Variants in AOPEP observed in about 807,000 individuals in gnomAD.
The protein encoded by AOPEP is aminopeptidase O.
In AOPEP, 77 loss-of-function variants were observed where a neutral mutation model predicts 98.1. The observed-to-expected ratio is 0.78, with a 90% CI of 0.65 to 0.95. The LOEUF (loss-of-function observed/expected upper bound fraction) is 0.95, where lower values mean the gene tolerates loss of function less well. Ranked by LOEUF, AOPEP falls within the 40% of genes least tolerant of loss-of-function variation. The pLI is 0.00. For missense variants in AOPEP, 1,024 were observed against 1,024.7 expected (o/e 1.00, Z 0.01); for synonymous variants, 346 against 365.3 (o/e 0.95, Z 0.60).
At chr9:94,994,125 A>C (rs906289046) in intron 11 of AOPEP, among the ~76,000 whole-genome samples, 1 of 152,316 alleles carries the variant, frequency 6.6e-6, no homozygotes, top group Admixed American at 6.5e-5. Flanking sequence ...TGTTTATTGC[A>C]AAGGCAGTTG....
chr9:94,996,391 T>TGA (rs1554797226), intron 11 of AOPEP, among the ~76,000 whole-genome samples: 2,185 of 144,502 alleles, frequency 0.015, 40 homozygotes, highest in African/African-American at 0.038. Context: ...TGTGTGTGTG[T>TGA]GAGAGAGAGA....
At chr9:94,792,208 A>G (rs1845879386) in intron 3 of AOPEP, among the ~76,000 whole-genome samples, 1 of 152,206 alleles carries the variant, frequency 6.6e-6, no homozygotes, top group Non-Finnish European at 1.5e-5. Context: ...TAAGGGTAAG[A>G]CCTGAACTCC....
chr9:95,073,954 A>G (rs767953214), intron 14 of AOPEP, among the ~76,000 whole-genome samples: 8 of 152,244 alleles, frequency 5.3e-5, no homozygotes, highest in Non-Finnish European at 8.8e-5. Flanking sequence ...GTGTGTCTAT[A>G]TGTTCTACAT....
chr9:95,007,814 C>A (rs2062153334), intron 13 of AOPEP, among the ~76,000 whole-genome samples: 1 of 152,174 alleles, frequency 6.6e-6, no homozygotes, highest in African/African-American at 2.4e-5. Context: ...CAAGGGCCTT[C>A]CCCCTATTCT....
chr9:95,135,590 C>A, the AOPEP span: 2 of 1,107,546 alleles, frequency 1.8e-6, no homozygotes, highest in African/African-American at 3.1e-5. Context: ...AATCACTAAT[C>A]CAATTTGTGA....
At chr9:94,859,648 T>C (rs902087307) in intron 5 of AOPEP, among the ~76,000 whole-genome samples, 3 of 152,236 alleles carry the variant, frequency 2.0e-5, no homozygotes, top group Admixed American at 6.5e-5. Context: ...CAAGTAAGCA[T>C]CAAGGCTTAC....
At chr9:94,761,555 A>G (rs1160295749) in intron 2 of AOPEP, among the ~76,000 whole-genome samples, 4 of 152,172 alleles carry the variant, frequency 2.6e-5, no homozygotes, top group Non-Finnish European at 5.9e-5. Flanking sequence ...GTCTTCGGCA[A>G]TTGCTTACAT....
At chr9:94,977,648 C>A (rs2059932604) in intron 10 of AOPEP, among the ~76,000 whole-genome samples, 1 of 152,214 alleles carries the variant, frequency 6.6e-6, no homozygotes, top group Admixed American at 6.5e-5. Flanking sequence ...CACACTCCCA[C>A]ACTCTCATAG....
chr9:95,005,405 G>A, intron 12 of AOPEP, 137 bp from the exon 13 acceptor site: 1 of 945,336 alleles, frequency 1.1e-6, no homozygotes, highest in Non-Finnish European at 1.6e-6. Context: ...GGCGAGTTCC[G>A]CGGGCGGGCG....
intron 3 of AOPEP, among the ~76,000 whole-genome samples, chr9:94,776,200 C>A (rs1018094633): frequency 3.9e-5 from 6 of 152,122 alleles, no homozygotes; most frequent in Non-Finnish European, 7.4e-5. Context: ...CAAATTGTAG[C>A]ATGCTAGACA....
In AOPEP at chr9:94,943,407, A is replaced by G. The variant is rs578060064; in HGVS notation, c.1662-11770A>G. On this transcript the variant is annotated intron_variant, in intron 7 of 16. Transcript: ENST00000375315. The stretch of plus-strand genomic sequence containing the variant: ...TCAGGAGTTCAAGACCAGCCTGGCC[A>G]ACATGGTGAAACCCCGTCTCTACTG... Among the ~76,000 whole-genome samples, 190 of 151,868 alleles carry G rather than the reference A, an allele frequency of 1.3e-3. 2 individuals carry two copies. The highest frequency in any genetic ancestry group is 4.4e-3 in the African/African-American group (181 of 41,378).
chr9:95,051,968 G>A (rs2066413895), intron 13 of AOPEP, among the ~76,000 whole-genome samples: 1 of 152,158 alleles, frequency 6.6e-6, no homozygotes, highest in Non-Finnish European at 1.5e-5. Flanking sequence ...CTCCCAAAGT[G>A]CTGGGATTAC....
chr9:95,081,028 G>C, intron 15 of AOPEP: 1 of 508,530 alleles, frequency 2.0e-6, no homozygotes, highest in Non-Finnish European at 3.5e-6. Context: ...CCGATGCTGC[G>C]TGCTCACACT....
At chr9:95,117,183 T>C in the AOPEP span, 5,550 of 829,794 alleles carry the variant, frequency 6.7e-3, 28 homozygotes, top group Non-Finnish European at 9.2e-3. Context: ...TCCTGGGGGC[T>C]TAAAGGGATC....
intron 11 of AOPEP, among the ~76,000 whole-genome samples, chr9:94,990,153 G>C (rs1204235845): frequency 6.6e-6 from 1 of 152,162 alleles, no homozygotes. Context: ...GGCTAAATCT[G>C]TAAGAAAACA....
intron 13 of AOPEP, among the ~76,000 whole-genome samples, chr9:95,030,476 T>C (rs891312711): frequency 9.2e-5 from 14 of 152,270 alleles, no homozygotes; most frequent in Admixed American, 3.9e-4. Flanking sequence ...GGGATATGTA[T>C]ACCTTAACTG....
intron 16 of AOPEP, chr9:95,086,192 C>A: frequency 7.7e-7 from 1 of 1,303,652 alleles, no homozygotes; most frequent in Non-Finnish European, 1.0e-6. Flanking sequence ...CCTGCGTCCA[C>A]CCCGGCCCGG....
chr9:94,952,360 G>A (rs1158974827), intron 7 of AOPEP, among the ~76,000 whole-genome samples: 1 of 152,188 alleles, frequency 6.6e-6, no homozygotes, highest in Non-Finnish European at 1.5e-5. Context: ...CCCCATGAAA[G>A]TACATTCAGA....
At chr9:94,945,602 T>C (rs1196382571) in intron 7 of AOPEP, among the ~76,000 whole-genome samples, 1 of 152,112 alleles carries the variant, frequency 6.6e-6, no homozygotes, top group Non-Finnish European at 1.5e-5. Flanking sequence ...GCCGCCCCCA[T>C]GCCTAGGGCC....
Sources: gnomAD v4.1 joint callset for allele counts (sites outside exome capture counted in the v4.1 genomes callset) on GRCh38, gnomAD v4.1.1 for gene constraint, MANE v1.5 for transcripts, NCBI Gene and HGNC (gene_info 2026-07-23, HGNC 2026-07-21) for gene names.